The following LRRK1 variants were observed in gnomAD, a reference collection of about 807,000 sequenced individuals.
The protein encoded by LRRK1 is leucine rich repeat kinase 1.
In LRRK1, 113 loss-of-function variants were observed where a neutral mutation model predicts 209.1. That is an observed-to-expected ratio of 0.54 (90% CI 0.46 to 0.63). The LOEUF is 0.63. Ranked by LOEUF, LRRK1 falls within the 30% of genes least tolerant of loss-of-function variation. The pLI, the probability that LRRK1 is intolerant of heterozygous loss-of-function variation, is 0.00. For missense variants in LRRK1, 2,284 were observed against 2,632.2 expected, an observed-to-expected ratio of 0.87 and a Z score of 2.89; for synonymous variants, 1,144 against 1,099.7, an observed-to-expected ratio of 1.04 and a Z score of -0.80.
intron 26 of LRRK1, among the ~76,000 whole-genome samples, chr15:101,053,779 A>G (rs1316023035): frequency 1.5e-5 from 2 of 133,972 alleles, no homozygotes; most frequent in Non-Finnish European, 1.7e-5. Context: ...GCACACGTAC[A>G]CGGCTGCTGA....
chr15:101,066,974 AAGTACCCTACCT>A (rs373262584), intron 33 of LRRK1, among the ~76,000 whole-genome samples: 5 of 152,338 alleles, frequency 3.3e-5, no homozygotes, highest in South Asian at 2.1e-4. Context: ...CCTGTAGATC[AAGTACCCTACCT>A]AGTACCCTAC....
At chr15:100,972,330 A>ATG (rs1430228405) in intron 2 of LRRK1, among the ~76,000 whole-genome samples, 1 of 118,730 alleles carries the variant, frequency 8.4e-6, no homozygotes, top group Non-Finnish European at 1.7e-5. Flanking sequence ...ATATATATAT[A>ATG]TATATGAGAG....
intron 2 of LRRK1, among the ~76,000 whole-genome samples, chr15:100,943,094 C>T (rs1392659002): frequency 2.0e-5 from 3 of 152,140 alleles, no homozygotes; most frequent in African/African-American, 7.2e-5. Context: ...TATATAAAGA[C>T]TCCTGGGCCT....
rs2035729168 is a variant in LRRK1 at position 101,055,240 on chromosome 15, C to T, written c.4332+17C>T. 6.6e-7 allele frequency: 1 copy of T among 1,526,082 alleles called. No homozygotes were observed. Among genetic ancestry groups the T allele is most frequent in the Non-Finnish European group, 8.8e-7 (1 of 1,138,350 alleles). 94.5% of individuals were successfully genotyped at this position (1,526,082 alleles called of 1,614,324 possible). A position where few individuals can be genotyped will look rare whatever the true frequency, so the allele number is the denominator to read the frequency against. ...GATGAGAAGGTACGTGCCTGGATCCCCTGGCCCAGCCCCACAGTGTAGGAG... is the reference window on the plus strand; with the variant it reads ...GATGAGAAGGTACGTGCCTGGATCCTCTGGCCCAGCCCCACAGTGTAGGAG... On this transcript the variant is annotated intron_variant, in intron 27 of 33. Transcript: ENST00000388948.
chr15:100,940,447 A>G (rs2042379416), intron 2 of LRRK1, among the ~76,000 whole-genome samples: 1 of 152,076 alleles, frequency 6.6e-6, no homozygotes, highest in Non-Finnish European at 1.5e-5. Flanking sequence ...TCACTCTTTT[A>G]TCTCTGCTCC....
chr15:100,971,076 G>A (rs894899231), intron 2 of LRRK1, among the ~76,000 whole-genome samples: 1 of 152,170 alleles, frequency 6.6e-6, no homozygotes, highest in Non-Finnish European at 1.5e-5. Flanking sequence ...GCTCACGCCT[G>A]TAATCCCAGC....
intron 2 of LRRK1, among the ~76,000 whole-genome samples, chr15:100,958,447 A>G (rs7173380): frequency 0.92 from 140,550 of 152,240 alleles, 64,934 homozygotes; most frequent in East Asian, 0.99. Flanking sequence ...CAAGCCCAGC[A>G]AGGGTGCTAA....
In LRRK1 at chr15:101,062,614, C is replaced by T; in HGVS notation, c.4838C>T (p.Pro1613Leu). ...IYIYTLKGMC[P>L]LNTPQQALDT... ...ATCTACACCCTCAAGGGCATGTGCC[C>T]CTTAAACACACCCCAACAGGCCTTG... The change falls in exon 31 of 34, where the codon CCC becomes CTC. Residue 1613 changes from proline (P) to leucine (L), a missense_variant. Pro to Leu is a moderately conservative substitution (Grantham distance 98). Transcript: ENST00000388948. 2.5e-6 allele frequency: 4 copies of T among 1,614,164 alleles called. No individual in the cohort carries two copies. Among genetic ancestry groups the T allele is most frequent in the Non-Finnish European group, 3.4e-6 (4 of 1,180,000 alleles).
In LRRK1 at chr15:100,989,321, C is replaced by T; in HGVS notation, c.685C>T (p.Pro229Ser). 6.2e-7 allele frequency: 1 copy of T among 1,613,710 alleles called. No homozygotes were observed. The highest frequency in any genetic ancestry group is 1.7e-5 in the Admixed American group (1 of 60,032). Residue 229 changes from proline to serine, a missense_variant, in exon 6 of 34, where the codon CCT (proline) becomes TCT (serine). Pro to Ser is a moderately conservative substitution (Grantham distance 74, BLOSUM62 -1). Around this residue, in one of 6 missense-constraint regions of LRRK1, gnomAD observed 134 missense variants for 191.7 expected, o/e 0.70. Coordinates refer to ENST00000388948, the MANE Select transcript of LRRK1 (RefSeq NM_024652.6). Reference sequence around the variant, plus strand: ...CTGTTCCTACATCTTGCTGGATAGTCCTGACCCCAGCAAACATCTGCTGAG... The same window carrying T: ...CTGTTCCTACATCTTGCTGGATAGTTCTGACCCCAGCAAACATCTGCTGAG... ...YFCSYILLDS[P>S]DPSKHLLRKY...
At position 101,010,789 on chromosome 15, in the gene LRRK1, C is replaced by T; in HGVS notation, c.1233C>T (p.Val411=). Residue 411 remains valine (V), a synonymous_variant, in exon 9 of 34, where the codon GTC becomes GTT. Coordinates refer to ENST00000388948, the MANE Select transcript of LRRK1 (RefSeq NM_024652.6). ...HSFKSLNSLN[V]SRNNLKVFPD... ...TCAAGTCCCTCAATTCTCTGAATGT[C>T]TCCAGAAACAACCTGAAGGTGTTTC... 6.2e-7 allele frequency: 1 copy of T among 1,614,064 alleles called. No individual in the cohort carries two copies.
In LRRK1 at chr15:101,076,189, A is replaced by AGTG. The variant is rs1219857519; in HGVS notation, c.*7342_*7343insTGG. The AGTG allele has an allele frequency of 1.3e-5, 2 of 152,172 alleles. No homozygotes were observed. The highest frequency in any genetic ancestry group is 2.4e-5 in the African/African-American group (1 of 41,438). The allele number at this position is 152,172 out of a possible 1,614,324, so 9.4% of individuals were successfully genotyped here. On this transcript the variant is annotated 3_prime_UTR_variant, in exon 34 of 34. Transcript: ENST00000388948. ...TAGCCTAGCCCTCATGTCTCTGTGC[A>AGTG]GCGGCTGCTGCCACCCTAATACTTT...
intron 21 of LRRK1, 67 bp from the exon 22 acceptor site, chr15:101,048,427 C>T (rs767997285): frequency 2.3e-5 from 33 of 1,450,002 alleles, no homozygotes; most frequent in Non-Finnish European, 2.9e-5. Context: ...CCGGCCTCTG[C>T]AGAGCTCTGC....
intron 4 of LRRK1, among the ~76,000 whole-genome samples, chr15:100,987,769 G>A (rs1465205005): frequency 6.6e-6 from 1 of 152,078 alleles, no homozygotes; most frequent in Non-Finnish European, 1.5e-5. Context: ...AACAGAGAGA[G>A]ATTAAGAAAT....
intron 7 of LRRK1, among the ~76,000 whole-genome samples, chr15:101,010,076 A>G (rs2033159180): frequency 6.6e-6 from 1 of 152,228 alleles, no homozygotes; most frequent in South Asian, 2.1e-4. Flanking sequence ...TTAAAAAGCA[A>G]GTGCCGTCCA....
At chr15:101,034,444 G>A (rs1468787331) in intron 20 of LRRK1, among the ~76,000 whole-genome samples, 2 of 152,036 alleles carry the variant, frequency 1.3e-5, no homozygotes, top group Non-Finnish European at 2.9e-5. Flanking sequence ...GTAAGAGATA[G>A]GGGGTCTAGT....
intron 20 of LRRK1, among the ~76,000 whole-genome samples, chr15:101,036,142 T>C (rs1427470427): frequency 6.6e-6 from 1 of 152,238 alleles, no homozygotes; most frequent in Non-Finnish European, 1.5e-5. Context: ...TTGCTAGACG[T>C]AGGAAGTTTT....
chr15:100,983,718 G>A lies in LRRK1; in HGVS notation c.433+19G>A. 2 of 1,611,258 alleles carry A rather than the reference G, an allele frequency of 1.2e-6. No individual in the cohort carries two copies. The highest frequency in any genetic ancestry group is 8.5e-7 in the Non-Finnish European group (1 of 1,177,902). Reference sequence around the variant, plus strand: ...TTACCAGGTAAATCACAGGGCATGAGCTCTTAACCGTGTCTCAGGGCACCC... The same window carrying A: ...TTACCAGGTAAATCACAGGGCATGAACTCTTAACCGTGTCTCAGGGCACCC... On this transcript the variant is annotated intron_variant, in intron 4 of 33. Coordinates refer to ENST00000388948, the MANE Select transcript of LRRK1 (RefSeq NM_024652.6).
intron 29 of LRRK1, among the ~76,000 whole-genome samples, chr15:101,059,963 G>A (rs566773570): frequency 6.7e-6 from 1 of 149,884 alleles, no homozygotes; most frequent in South Asian, 2.1e-4. Flanking sequence ...GCCGGGCCCT[G>A]CCCTGCTGGC....
chr15:101,054,255 T>C (rs2035660126), intron 26 of LRRK1, among the ~76,000 whole-genome samples: 1 of 152,204 alleles, frequency 6.6e-6, no homozygotes, highest in Admixed American at 6.5e-5. Flanking sequence ...ATCACCGGCA[T>C]GAGCCACACG....
Sources: gnomAD v4.1 joint callset for allele counts (sites outside exome capture counted in the v4.1 genomes callset) on GRCh38, gnomAD v4.1.1 for gene constraint, gnomAD v4.1.1 regional missense constraint, MANE v1.5 for transcripts, NCBI Gene and HGNC (gene_info 2026-07-23, HGNC 2026-07-21) for gene names.